CACNA2D3: variants seen among roughly 807,000 people sequenced by gnomAD.
CACNA2D3 encodes the protein calcium voltage-gated channel auxiliary subunit alpha2delta 3.
Under a neutral mutation model 160.6 loss-of-function variants are expected in CACNA2D3, and 60 were observed. That is an observed-to-expected ratio of 0.37 (90% CI 0.30 to 0.46). The LOEUF (loss-of-function observed/expected upper bound fraction) is 0.46, where lower values mean the gene tolerates loss of function less well. Among genes scored for constraint, CACNA2D3 ranks in the 20% least tolerant of loss-of-function variants. The probability of loss-of-function intolerance (pLI) is 1.00; values close to 1 mark genes in which losing one functional copy is unlikely to be tolerated. For missense variants in CACNA2D3, 1,205 were observed against 1,365.0 expected (o/e 0.88, Z 1.85); for synonymous variants, 558 against 492.9 (o/e 1.13, Z -1.75).
intron 35 of CACNA2D3, among the ~76,000 whole-genome samples, chr3:55,033,806 T>C (rs1703742370): frequency 8.1e-6 from 1 of 124,088 alleles, no homozygotes; most frequent in Admixed American, 9.0e-5. Flanking sequence ...TTATATAATA[T>C]GTATTATATA....
At chr3:54,498,737 C>G (rs962371585) in intron 4 of CACNA2D3, among the ~76,000 whole-genome samples, 1 of 151,886 alleles carries the variant, frequency 6.6e-6, no homozygotes, top group Non-Finnish European at 1.5e-5. Flanking sequence ...TCTCTAAGCT[C>G]TGCTTTCGTT....
intron 4 of CACNA2D3, among the ~76,000 whole-genome samples, chr3:54,405,853 CAA>C (rs34578123): frequency 0.31 from 47,097 of 149,886 alleles, 7,657 homozygotes; most frequent in African/African-American, 0.38. Flanking sequence ...AACTCAATAG[CAA>C]AAAAAAAAAT....
intron 4 of CACNA2D3, among the ~76,000 whole-genome samples, chr3:54,459,785 C>G (rs953448668): frequency 2.6e-5 from 4 of 152,190 alleles, no homozygotes; most frequent in Non-Finnish European, 5.9e-5. Flanking sequence ...AATTGTATCC[C>G]ATTTGTCAAT....
At chr3:54,584,415 T>C (rs1326199231) in intron 9 of CACNA2D3, among the ~76,000 whole-genome samples, 1 of 152,030 alleles carries the variant, frequency 6.6e-6, no homozygotes, top group Non-Finnish European at 1.5e-5. Context: ...ATGAGCTCAA[T>C]AGAGTGAAGA....
At chr3:54,203,679 G>A (rs561099058) in intron 2 of CACNA2D3, among the ~76,000 whole-genome samples, 5 of 152,060 alleles carry the variant, frequency 3.3e-5, no homozygotes, top group African/African-American at 9.6e-5. Flanking sequence ...CAACTCCCTC[G>A]GCCAAACTCC....
At chr3:54,937,819 G>A (rs1237129001) in intron 27 of CACNA2D3, among the ~76,000 whole-genome samples, 2 of 152,196 alleles carry the variant, frequency 1.3e-5, no homozygotes, top group Middle Eastern at 3.4e-3. Context: ...AGCAGAAGGC[G>A]GGCATGATCA....
At chr3:54,932,836 A>G (rs1164908084) in intron 27 of CACNA2D3, among the ~76,000 whole-genome samples, 1 of 152,336 alleles carries the variant, frequency 6.6e-6, no homozygotes, top group African/African-American at 2.4e-5. Context: ...AGGCCTAGTG[A>G]CAGCTGCAGC....
chr3:54,804,842 A>G (rs1703078827), intron 13 of CACNA2D3, among the ~76,000 whole-genome samples: 1 of 152,206 alleles, frequency 6.6e-6, no homozygotes, highest in South Asian at 2.1e-4. Flanking sequence ...AGAAATTATA[A>G]CAAACTGTCT....
intron 5 of CACNA2D3, among the ~76,000 whole-genome samples, chr3:54,507,401 G>A (rs1324022082): frequency 6.6e-6 from 1 of 152,206 alleles, no homozygotes; most frequent in African/African-American, 2.4e-5. Flanking sequence ...TGAATGCAGA[G>A]CATGCAGTCT....
intron 2 of CACNA2D3, among the ~76,000 whole-genome samples, chr3:54,188,480 C>A (rs1225943759): frequency 6.6e-6 from 1 of 152,192 alleles, no homozygotes; most frequent in African/African-American, 2.4e-5. Context: ...CTCAGGACTG[C>A]ACCCATGCCA....
intron 27 of CACNA2D3, among the ~76,000 whole-genome samples, chr3:54,933,617 T>C (rs1701260190): frequency 6.6e-6 from 1 of 152,198 alleles, no homozygotes; most frequent in Non-Finnish European, 1.5e-5. Flanking sequence ...GCCTCCACAT[T>C]TTATTGCATT....
intron 2 of CACNA2D3, among the ~76,000 whole-genome samples, chr3:54,233,247 A>T (rs563579688): frequency 6.6e-6 from 1 of 152,214 alleles, no homozygotes; most frequent in Non-Finnish European, 1.5e-5. Context: ...GTCTGTTAGC[A>T]TTTACTCTCG....
chr3:54,338,469 G>C (rs113233935), intron 3 of CACNA2D3, among the ~76,000 whole-genome samples: 6 of 57,294 alleles, frequency 1.0e-4, no homozygotes, highest in African/African-American at 2.8e-4. Context: ...TCCCCTCCCT[G>C]TGTGTGTGTG....
chr3:54,192,022 C>G (rs1255603687), intron 2 of CACNA2D3, among the ~76,000 whole-genome samples: 1 of 151,778 alleles, frequency 6.6e-6, no homozygotes, highest in Non-Finnish European at 1.5e-5. Context: ...TGCCAGCTGC[C>G]TTCTAGCACA....
chr3:54,188,062 C>T (rs1027599324), intron 2 of CACNA2D3, among the ~76,000 whole-genome samples: 1 of 152,192 alleles, frequency 6.6e-6, no homozygotes, highest in South Asian at 2.1e-4. Flanking sequence ...AGGGGATCAA[C>T]ATGGGTATGT....
At chr3:54,520,080 T>C (rs6795380) in intron 5 of CACNA2D3, among the ~76,000 whole-genome samples, 100,851 of 152,190 alleles carry the variant, frequency 0.66, 33,656 homozygotes, top group African/African-American at 0.67. Context: ...CAAAGCTTGT[T>C]TTACAAAAGT....
At chr3:54,453,504 A>T (rs1163420005) in intron 4 of CACNA2D3, among the ~76,000 whole-genome samples, 1 of 133,228 alleles carries the variant, frequency 7.5e-6, no homozygotes, top group African/African-American at 2.7e-5. Context: ...TTCCACATTT[A>T]TACAAACGAG....
At chr3:54,678,183 A>G (rs1220500228) in intron 11 of CACNA2D3, among the ~76,000 whole-genome samples, 1 of 152,134 alleles carries the variant, frequency 6.6e-6, no homozygotes, top group Non-Finnish European at 1.5e-5. Context: ...TTTTAGACAG[A>G]CCTTTCTGTA....
intron 17 of CACNA2D3, among the ~76,000 whole-genome samples, chr3:54,867,806 C>A (rs910885134): frequency 6.6e-6 from 1 of 152,212 alleles, no homozygotes; most frequent in African/African-American, 2.4e-5. Flanking sequence ...GAATGCATCC[C>A]AAATTGAATC....
Sources: gnomAD v4.1 joint callset for allele counts (sites outside exome capture counted in the v4.1 genomes callset) on GRCh38, gnomAD v4.1.1 for gene constraint, MANE v1.5 for transcripts, NCBI Gene and HGNC (gene_info 2026-07-23, HGNC 2026-07-21) for gene names.